PLEKHA5: variants seen among roughly 807,000 people sequenced by gnomAD.
PLEKHA5 encodes pleckstrin homology domain-containing family A member 5.
In PLEKHA5, 55 loss-of-function variants were observed where a neutral mutation model predicts 181.9. That is an observed-to-expected ratio of 0.30 (90% confidence interval 0.24 to 0.38). The LOEUF (loss-of-function observed/expected upper bound fraction) is 0.38, where lower values mean the gene tolerates loss of function less well. PLEKHA5 is among the 10% of genes least tolerant of loss of function. The pLI, the probability that PLEKHA5 is intolerant of heterozygous loss-of-function variation, is 1.00. For synonymous variants in PLEKHA5, 535 were observed against 529.4 expected (o/e 1.01, Z -0.15); for missense variants, 1,432 against 1,549.5 (o/e 0.92, Z 1.27).
chr12:19,298,029 C>T (rs575408726), intron 15 of PLEKHA5, among the ~76,000 whole-genome samples: 1 of 152,040 alleles, frequency 6.6e-6, no homozygotes, highest in South Asian at 2.1e-4. Context: ...ACATGGTGAA[C>T]CCCATCTCTA....
intron 30 of PLEKHA5, among the ~76,000 whole-genome samples, chr12:19,367,130 C>T (rs142326739): frequency 6.8e-4 from 103 of 152,056 alleles, no homozygotes; most frequent in African/African-American, 2.3e-3. Flanking sequence ...CAGTGATCAG[C>T]GCGCCTCAAC....
chr12:19,255,001 G>C, intron 4 of PLEKHA5, 44 bp from the exon 5 acceptor site: 1 of 1,554,188 alleles, frequency 6.4e-7, no homozygotes, highest in Non-Finnish European at 8.8e-7. Context: ...TATAAAGCGG[G>C]TTACATACAC....
At position 19,375,625 on chromosome 12, in the gene PLEKHA5, T is replaced by C. The variant is rs1202735373; in HGVS notation, c.*106T>C. ...TACAGTATATTTTAAATCTATGAAA[T>C]TCATAGTTCTGATGCTTTTGGTCAC... On this transcript the variant is annotated 3_prime_UTR_variant, in exon 32 of 32. Coordinates refer to ENST00000429027, the MANE Select transcript of PLEKHA5 (RefSeq NM_001256470.2). 1 of 152,660 alleles carries C rather than the reference T, an allele frequency of 6.6e-6. No homozygotes were observed. Among genetic ancestry groups the C allele is most frequent in the Admixed American group, 6.5e-5 (1 of 15,282 alleles). The allele number at this position is 152,660 out of a possible 1,614,324, so 9.5% of individuals were successfully genotyped here.
In PLEKHA5 at chr12:19,148,214, G is replaced by A. The variant is rs572272696; in HGVS notation, c.227+15764G>A. On this transcript the variant is annotated intron_variant, in intron 3 of 31. Transcript: ENST00000429027. Reference sequence around the variant, plus strand: ...TGGCATTTCAGGCACCTGCCACCACGCCTGACTAATTTTTGTATTTTTAGT... The same window carrying A: ...TGGCATTTCAGGCACCTGCCACCACACCTGACTAATTTTTGTATTTTTAGT... 7.2e-4 allele frequency among the ~76,000 whole-genome samples: 109 copies of A among 152,134 alleles called. 1 individual carries two copies. Among genetic ancestry groups the A allele is most frequent in the African/African-American group, 2.5e-3 (103 of 41,508 alleles).
chr12:19,326,278 C>T (rs1329792816), intron 20 of PLEKHA5, among the ~76,000 whole-genome samples: 1 of 152,172 alleles, frequency 6.6e-6, no homozygotes, highest in East Asian at 1.9e-4. Flanking sequence ...CAAATGTTAG[C>T]ATGTGCATAA....
chr12:19,346,797 G>A (rs1332843714), intron 23 of PLEKHA5, among the ~76,000 whole-genome samples, 197 bp from the exon 24 acceptor site: 1 of 152,072 alleles, frequency 6.6e-6, no homozygotes, highest in Non-Finnish European at 1.5e-5. Context: ...AGAATCAGAT[G>A]TAATTATATG....
rs546227526 is a variant in PLEKHA5, at chr12:19,344,903, G to A, written c.2663-939G>A. 2.1e-4 allele frequency among the ~76,000 whole-genome samples: 32 copies of A among 150,370 alleles called. No homozygotes were observed. The South Asian group carries it at 5.1e-3, about 24-fold the overall frequency. On this transcript the variant is annotated intron_variant, in intron 22 of 31. Coordinates refer to ENST00000429027, the MANE Select transcript of PLEKHA5 (RefSeq NM_001256470.2). ...GCAGGCGGATCACTTGAGGTCAGGA[G>A]TTCAAGACCAACCTGGCCAACATGA...
chr12:19,336,605 G>A lies in PLEKHA5; in HGVS notation c.2539G>A (p.Gly847Ser), dbSNP rs143398197. The change falls in exon 21 of 32, where the codon GGT becomes AGT. Residue 847 changes from glycine to serine, a missense_variant. By Grantham distance (56) the Gly-to-Ser change is moderately conservative. Around this residue, in one of 2 missense-constraint regions of PLEKHA5, gnomAD observed 1,143 missense variants for 1,168.4 expected, o/e 0.98. Coordinates refer to ENST00000429027, the MANE Select transcript of PLEKHA5 (RefSeq NM_001256470.2). ...GATGCAAGAGCAGCTGGATCACCTT[G>A]GTGAAGTTCAGGTACAAAAGTATAA... ...NQMQEQLDHL[G>S]EVQTESAGIQ... 2.0e-4 allele frequency: 322 copies of A among 1,577,582 alleles called. No homozygotes were observed. Among genetic ancestry groups the A allele is most frequent in the Admixed American group, 4.4e-4 (26 of 59,496 alleles).
intron 15 of PLEKHA5, among the ~76,000 whole-genome samples, chr12:19,308,319 G>A (rs2084908330): frequency 6.6e-6 from 1 of 152,024 alleles, no homozygotes; most frequent in Non-Finnish European, 1.5e-5. Flanking sequence ...TGTTGTATTT[G>A]TTCATCTCAA....
intron 31 of PLEKHA5, chr12:19,371,350 G>A: frequency 6.6e-6 from 1 of 152,256 alleles, no homozygotes; most frequent in South Asian, 2.1e-4. Flanking sequence ...CACTAGCTTT[G>A]GGTACAAGTG....
Position 19,274,828 on chromosome 12 carries a change from T to C in PLEKHA5, c.1158T>C (p.Asn386=). 1 of 1,614,112 alleles carries C rather than the reference T, an allele frequency of 6.2e-7. No homozygotes were observed. The highest frequency in any genetic ancestry group is 8.5e-7 in the Non-Finnish European group (1 of 1,180,046). Residue 386 remains asparagine, a synonymous_variant, in exon 11 of 32, where the codon AAT becomes AAC. Coordinates refer to ENST00000429027, the MANE Select transcript of PLEKHA5 (RefSeq NM_001256470.2). ...GCAGTTCAGAGAACAAAATAGTCAATGTTAGCCTGGCAGATCTTAGAGGTG... is the reference window on the plus strand; with the variant it reads ...GCAGTTCAGAGAACAAAATAGTCAACGTTAGCCTGGCAGATCTTAGAGGTG... ...NLSSSENKIV[N]VSLADLRGGN...
intron 3 of PLEKHA5, among the ~76,000 whole-genome samples, chr12:19,180,903 G>A (rs1166085315): frequency 6.6e-6 from 1 of 151,062 alleles, no homozygotes; most frequent in East Asian, 1.9e-4. Context: ...AAGCTCACCC[G>A]AGACCCAAGT....
chr12:19,160,955 G>T (rs969880580), intron 3 of PLEKHA5, among the ~76,000 whole-genome samples: 1 of 152,088 alleles, frequency 6.6e-6, no homozygotes, highest in Non-Finnish European at 1.5e-5. Context: ...AAGCGTACAT[G>T]TATGAAACAA....
At chr12:19,152,868 C>G (rs975624938) in intron 3 of PLEKHA5, 2 of 151,986 alleles carry the variant, frequency 1.3e-5, no homozygotes, top group African/African-American at 4.8e-5. Flanking sequence ...AATCTTTTAT[C>G]CATAATATGT....
At chr12:19,302,438 G>A (rs2081770711) in intron 15 of PLEKHA5, among the ~76,000 whole-genome samples, 1 of 152,090 alleles carries the variant, frequency 6.6e-6, no homozygotes, top group Non-Finnish European at 1.5e-5. Flanking sequence ...CTCTGTCGCC[G>A]AGGCTGGAGT....
intron 20 of PLEKHA5, among the ~76,000 whole-genome samples, chr12:19,328,808 A>G (rs1345199530): frequency 6.6e-6 from 1 of 152,020 alleles, no homozygotes; most frequent in African/African-American, 2.4e-5. Flanking sequence ...TTCTTTTCCT[A>G]TTTGGATGCA....
In PLEKHA5 at chr12:19,369,700, T is replaced by G; in HGVS notation, c.3762T>G (p.Ser1254Arg). 1 of 1,605,402 alleles carries G rather than the reference T, an allele frequency of 6.2e-7. No homozygotes were observed. The highest frequency in any genetic ancestry group is 8.5e-7 in the Non-Finnish European group (1 of 1,174,684). Residue 1254 changes from serine to arginine, a missense_variant, in exon 31 of 32, where the codon AGT becomes AGG. This residue lies in a region of PLEKHA5 where 1,143 missense variants were observed against 1,168.4 expected (regional missense o/e 0.98). Transcript: ENST00000429027. ...TTTCTTTGTGTGTTTTAGTGAAAAG[T>G]CTGTCCCCATCTCCTGAGTCCTCGG... The part of the protein sequence containing the change: ...SRGNQTMAVK[S>R]LSPSPESSAS...
At chr12:19,294,648 C>A (rs1431482773) in intron 15 of PLEKHA5, among the ~76,000 whole-genome samples, 5 of 152,182 alleles carry the variant, frequency 3.3e-5, no homozygotes, top group African/African-American at 1.2e-4. Flanking sequence ...ACTGTAATTT[C>A]TTTAAATTCT....
At chr12:19,254,130 T>C (rs2066177489) in intron 4 of PLEKHA5, 107 bp downstream of exon 4, 9 of 715,134 alleles carry the variant, frequency 1.3e-5, no homozygotes, top group South Asian at 3.5e-5. Flanking sequence ...ACATTTGTAG[T>C]CAAGTATAAT....
Sources: allele counts gnomAD v4.1 joint callset (sites outside exome capture counted in the v4.1 genomes callset), GRCh38; gene constraint gnomAD v4.1.1; regional missense constraint gnomAD v4.1.1; transcripts MANE v1.5; gene names NCBI Gene and HGNC (gene_info 2026-07-23, HGNC 2026-07-21).